The following SAXO1 variants were observed in gnomAD, a reference collection of about 807,000 sequenced individuals.
SAXO1 encodes the protein 4930500O09Rik.
In SAXO1, 21 loss-of-function variants were observed where a neutral mutation model predicts 17.5. The ratio of observed to expected loss-of-function variants is 1.20; its 90% CI spans 0.85 to 1.72. SAXO1 has a LOEUF of 1.72. Among genes scored for constraint, SAXO1 ranks in the 40% most tolerant of loss-of-function variants. SAXO1 has a pLI of 0.00. For synonymous variants in SAXO1, 274 were observed against 216.5 expected, an observed-to-expected ratio of 1.27 and a Z score of -2.33; for missense variants, 843 against 596.0, an observed-to-expected ratio of 1.41 and a Z score of -4.32.
chr9:18,941,339 G>A (rs1054992230), intron 3 of SAXO1, among the ~76,000 whole-genome samples: 3 of 152,046 alleles, frequency 2.0e-5, no homozygotes, highest in African/African-American at 7.3e-5. Flanking sequence ...TCGATACTGC[G>A]TAAATGAATG....
chr9:19,029,361 G>C (rs747141159), intron 1 of SAXO1, among the ~76,000 whole-genome samples: 1 of 152,172 alleles, frequency 6.6e-6, no homozygotes, highest in Non-Finnish European at 1.5e-5. Context: ...CTGAAGCCCA[G>C]AGAGAACCAG....
intron 1 of SAXO1, among the ~76,000 whole-genome samples, chr9:18,988,674 TAAC>T (rs1034223837): frequency 6.6e-5 from 10 of 152,232 alleles, no homozygotes; most frequent in Admixed American, 5.9e-4. Flanking sequence ...CCATTGTATG[TAAC>T]AACGAGTATA....
chr9:19,032,542 G>A (rs182250813), intron 1 of SAXO1, among the ~76,000 whole-genome samples: 287 of 152,302 alleles, frequency 1.9e-3, no homozygotes, highest in Non-Finnish European at 3.6e-3. Flanking sequence ...AGCAAGACTG[G>A]TCCCACTGGG....
upstream of SAXO1, among the ~76,000 whole-genome samples, chr9:19,036,521 G>A (rs1367875644): frequency 6.6e-6 from 1 of 151,926 alleles, no homozygotes; most frequent in African/African-American, 2.4e-5. Flanking sequence ...TTGGTGCCCT[G>A]CATCCCAGCT....
chr9:18,994,546 G>C (rs189194795), intron 1 of SAXO1, among the ~76,000 whole-genome samples: 1 of 152,250 alleles, frequency 6.6e-6, no homozygotes, highest in East Asian at 1.9e-4. Flanking sequence ...GCTGTTTCTG[G>C]GTGTCACCAC....
intron 1 of SAXO1, among the ~76,000 whole-genome samples, chr9:19,042,720 G>A (rs1007080632): frequency 6.6e-6 from 1 of 152,140 alleles, no homozygotes; most frequent in African/African-American, 2.4e-5. Context: ...AAATTAGCCA[G>A]GCATGGTGGT....
intron 1 of SAXO1, among the ~76,000 whole-genome samples, chr9:19,008,536 G>A (rs1051362137): frequency 6.6e-6 from 1 of 152,184 alleles, no homozygotes; most frequent in Admixed American, 6.5e-5. Context: ...CAGGGGAGGA[G>A]AGAGGCTTGC....
intron 2 of SAXO1, 120 bp downstream of exon 2, chr9:18,950,638 T>A (rs1038431206): frequency 3.7e-6 from 3 of 819,394 alleles, no homozygotes; most frequent in Non-Finnish European, 5.6e-6. Context: ...TAATATCATA[T>A]GTTGATACTG....
At chr9:19,027,075 G>A (rs1835507139) in intron 1 of SAXO1, 1 of 865,660 alleles carries the variant, frequency 1.2e-6, no homozygotes, top group East Asian at 2.5e-5. Context: ...AGAGAACAGT[G>A]AGAAAATCAA....
At chr9:18,976,210 T>A (rs1358624036) in intron 1 of SAXO1, among the ~76,000 whole-genome samples, 9 of 152,188 alleles carry the variant, frequency 5.9e-5, no homozygotes, top group African/African-American at 1.9e-4. Flanking sequence ...AGCTGAGTAC[T>A]GAGTAGAGTA....
chr9:19,014,892 A>G (rs1171818812), intron 1 of SAXO1, among the ~76,000 whole-genome samples: 1 of 152,188 alleles, frequency 6.6e-6, no homozygotes, highest in Non-Finnish European at 1.5e-5. Context: ...CCAATAAACA[A>G]GACCAGTGAA....
intron 1 of SAXO1, among the ~76,000 whole-genome samples, chr9:18,977,805 G>A (rs1402499196): frequency 6.6e-6 from 1 of 151,940 alleles, no homozygotes; most frequent in Non-Finnish European, 1.5e-5. Context: ...ACCACTCTGG[G>A]CAACATGGCA....
chr9:18,947,255 C>T (rs7045203), intron 2 of SAXO1, among the ~76,000 whole-genome samples: 122,371 of 152,126 alleles, frequency 0.8, 49,742 homozygotes, highest in African/African-American at 0.93. Context: ...ATTCAATGGG[C>T]AGTGCAAGAC....
At chr9:18,950,404 T>C (rs979191421) in intron 2 of SAXO1, among the ~76,000 whole-genome samples, 25 of 152,082 alleles carry the variant, frequency 1.6e-4, no homozygotes, top group Admixed American at 1.6e-3. Context: ...GAGCTTTTCA[T>C]GTAACAAAGC....
intron 1 of SAXO1, among the ~76,000 whole-genome samples, chr9:18,996,724 G>C (rs112261428): frequency 0.02 from 3,020 of 152,210 alleles, 91 homozygotes; most frequent in African/African-American, 0.069. Flanking sequence ...AAAACTCACA[G>C]TGAACATCAT....
rs935534699 is a variant in SAXO1 at position 18,928,507 on chromosome 9, G to A, written c.970C>T (p.Pro324Ser). The change falls in exon 4 of 4, where the codon CCT (proline) becomes TCT (serine). Residue 324 changes from proline to serine, a missense_variant. Physicochemically the swap from Pro to Ser is moderately conservative, Grantham distance 74 (BLOSUM62 -1). Coordinates refer to ENST00000380534, the MANE Select transcript of SAXO1 (RefSeq NM_153707.4). ...CCGCACTTCTTAATCTGAAGTGCAG[G>A]TCGGCAGGACTGAGCTGGGGCACCC... is the stretch of plus-strand genomic sequence containing the variant. ...PKGAPAQSCR[P>S]ALQIKKCGRF... is the part of the protein sequence containing the mutation. 7 of 1,613,816 alleles carry A rather than the reference G, an allele frequency of 4.3e-6. No individual in the cohort carries two copies. In the Admixed American group the frequency reaches 8.3e-5, roughly 19 times the overall value.
At chr9:19,042,898 G>A (rs1277669169) in intron 1 of SAXO1, among the ~76,000 whole-genome samples, 1 of 152,208 alleles carries the variant, frequency 6.6e-6, no homozygotes, top group East Asian at 1.9e-4. Flanking sequence ...GTGGCCAGGT[G>A]CAGTGGTTGA....
intron 1 of SAXO1, among the ~76,000 whole-genome samples, chr9:19,041,802 ATTGAAGAC>A (rs1002893628): frequency 6.6e-6 from 1 of 152,232 alleles, no homozygotes; most frequent in Non-Finnish European, 1.5e-5. Flanking sequence ...GTCAAAATGG[ATTGAAGAC>A]TTAAATCTAA....
At position 18,928,453 on chromosome 9, in the gene SAXO1, C is replaced by T. The variant is rs529507587; in HGVS notation, c.1024G>A (p.Asp342Asn). 1.9e-6 allele frequency: 3 copies of T among 1,610,838 alleles called. No individual in the cohort carries two copies. The highest frequency in any genetic ancestry group is 2.2e-5 in the South Asian group (2 of 90,598). Reference protein sequence around the residue: ...GRFEGSSTTKDDYKQWSSMRT... With the variant: ...GRFEGSSTTKNDYKQWSSMRT... ...ATGCTGGACCACTGCTTGTAGTCAT[C>T]CTTGGTGGTGGAAGAGCCTTCAAAG... The change falls in exon 4 of 4, where the codon GAT becomes AAT. Residue 342 changes from aspartate to asparagine, a missense_variant. Transcript: ENST00000380534.
Sources: allele counts gnomAD v4.1 joint callset (sites outside exome capture counted in the v4.1 genomes callset), GRCh38; gene constraint gnomAD v4.1.1; transcripts MANE v1.5; gene names NCBI Gene and HGNC (gene_info 2026-07-23, HGNC 2026-07-21).